Variants in CDYL2 observed in about 807,000 individuals in gnomAD.
CDYL2 encodes the protein chromodomain Y like 2, also known as chromodomain Y-like protein 2.
A neutral mutation model predicts 49.4 loss-of-function variants in CDYL2; 23 were observed. The ratio of observed to expected loss-of-function variants is 0.47; its 90% CI spans 0.34 to 0.66. The LOEUF is 0.66. Among genes scored for constraint, CDYL2 ranks in the 30% least tolerant of loss-of-function variants. The pLI, the probability that CDYL2 is intolerant of heterozygous loss-of-function variation, is 0.01. For synonymous variants in CDYL2, 360 were observed against 268.8 expected (o/e 1.34, Z -3.32); for missense variants, 678 against 656.4 (o/e 1.03, Z -0.36).
intron 1 of CDYL2, among the ~76,000 whole-genome samples, chr16:80,726,419 C>T (rs1905164440): frequency 6.6e-6 from 1 of 152,112 alleles, no homozygotes; most frequent in African/African-American, 2.4e-5. Flanking sequence ...ACATTGAATT[C>T]TGAAAAAAAT....
At chr16:80,803,757 C>T (rs980487564) in intron 1 of CDYL2, among the ~76,000 whole-genome samples, 3 of 143,022 alleles carry the variant, frequency 2.1e-5, no homozygotes, top group African/African-American at 7.7e-5. Flanking sequence ...ATTCCCAGCA[C>T]GTCCGGCGCC....
chr16:80,616,906 G>T (rs1906851209), intron 4 of CDYL2, among the ~76,000 whole-genome samples: 1 of 152,188 alleles, frequency 6.6e-6, no homozygotes, highest in East Asian at 1.9e-4. Flanking sequence ...GAGCTAATAG[G>T]CACAGAGAGA....
At chr16:80,788,760 A>C (rs1907515576) in intron 1 of CDYL2, among the ~76,000 whole-genome samples, 1 of 152,234 alleles carries the variant, frequency 6.6e-6, no homozygotes, top group African/African-American at 2.4e-5. Context: ...CATCTCATAG[A>C]AAGGATTACA....
chr16:80,707,985 G>A (rs191846629), intron 1 of CDYL2, among the ~76,000 whole-genome samples: 93 of 152,278 alleles, frequency 6.1e-4, no homozygotes, highest in Non-Finnish European at 1.1e-3. Context: ...AAGAAAGGCA[G>A]GATGCTATTT....
At chr16:80,804,038 G>A (rs971312397) in intron 1 of CDYL2, 112 bp downstream of exon 1, 8 of 789,898 alleles carry the variant, frequency 1.0e-5, no homozygotes, top group Non-Finnish European at 1.2e-5. Context: ...CCGCGGGCTC[G>A]GCAACTCCGG....
rs138988249 is a variant in CDYL2, at chr16:80,709,486, G to A, written c.25-24357C>T. On this transcript the variant is annotated intron_variant, in intron 1 of 6. Transcript: ENST00000570137. ...TTTGCATTTTCTTGTGCACAATTTC[G>A]TCCATGAGAAGCACTAGATGAATGC... Among the ~76,000 whole-genome samples, 194 of 150,714 alleles carry A rather than the reference G, an allele frequency of 1.3e-3. 3 individuals carry two copies. The East Asian group carries it at 0.026, about 20-fold the overall frequency.
chr16:80,784,520 G>C (rs931466514), intron 1 of CDYL2, among the ~76,000 whole-genome samples: 6 of 152,102 alleles, frequency 3.9e-5, no homozygotes, highest in African/African-American at 1.4e-4. Flanking sequence ...AAGTTGTTTA[G>C]AGAACATCCA....
chr16:80,718,422 T>G (rs147376561), intron 1 of CDYL2, among the ~76,000 whole-genome samples: 93 of 152,270 alleles, frequency 6.1e-4, no homozygotes, highest in African/African-American at 2.0e-3. Flanking sequence ...AGGACTATCA[T>G]ACCTAATTTA....
intron 1 of CDYL2, among the ~76,000 whole-genome samples, chr16:80,746,910 A>G (rs1174730566): frequency 6.6e-6 from 1 of 152,186 alleles, no homozygotes; most frequent in African/African-American, 2.4e-5. Context: ...CTCTTTAAAA[A>G]AAAATTAATA....
intron 1 of CDYL2, among the ~76,000 whole-genome samples, chr16:80,790,111 T>C (rs1907562296): frequency 1.3e-5 from 2 of 152,214 alleles, no homozygotes. Flanking sequence ...ATGAAGCATA[T>C]TCAAGAAAAA....
intron 3 of CDYL2, among the ~76,000 whole-genome samples, chr16:80,623,772 G>A (rs770013534): frequency 1.3e-5 from 2 of 152,170 alleles, no homozygotes; most frequent in East Asian, 1.9e-4. Flanking sequence ...TAGGACTCAG[G>A]AAGTCAGACT....
chr16:80,677,735 T>A (rs1267505963), intron 2 of CDYL2, among the ~76,000 whole-genome samples: 1 of 147,960 alleles, frequency 6.8e-6, no homozygotes, highest in Non-Finnish European at 1.5e-5. Context: ...CGAGACTCCA[T>A]CTCAAAAAAA....
chr16:80,730,305 T>C (rs6564787), intron 1 of CDYL2, among the ~76,000 whole-genome samples: 129,556 of 151,950 alleles, frequency 0.85, 56,633 homozygotes, highest in Non-Finnish European at 0.96. Flanking sequence ...AAACTGCCAT[T>C]AGAGAATGCT....
At chr16:80,689,982 G>A (rs181670750) in intron 1 of CDYL2, among the ~76,000 whole-genome samples, 2 of 152,060 alleles carry the variant, frequency 1.3e-5, no homozygotes, top group African/African-American at 2.4e-5. Context: ...TTAGCTGGGC[G>A]TGGTGGCATA....
chr16:80,630,341 T>C (rs1451154111), intron 3 of CDYL2, among the ~76,000 whole-genome samples: 1 of 152,090 alleles, frequency 6.6e-6, no homozygotes. Flanking sequence ...CCATGATGAG[T>C]GGGCAACAGT....
At chr16:80,624,665 T>C (rs909202051) in intron 3 of CDYL2, among the ~76,000 whole-genome samples, 2 of 151,304 alleles carry the variant, frequency 1.3e-5, no homozygotes, top group African/African-American at 4.9e-5. Flanking sequence ...AATACAAGGA[T>C]CCAAAAGAGA....
At chr16:80,619,424 G>C (rs4889168) in intron 4 of CDYL2, among the ~76,000 whole-genome samples, 2 of 152,132 alleles carry the variant, frequency 1.3e-5, no homozygotes, top group African/African-American at 4.8e-5. Flanking sequence ...GGTTTCCCTG[G>C]ACTTCTGGAA....
chr16:80,638,343 G>C (rs534522164), intron 2 of CDYL2, among the ~76,000 whole-genome samples: 1 of 152,242 alleles, frequency 6.6e-6, no homozygotes, highest in African/African-American at 2.4e-5. Flanking sequence ...CCAAAGTGCT[G>C]GGATTATAGG....
At chr16:80,766,599 C>G (rs1221797950) in intron 1 of CDYL2, among the ~76,000 whole-genome samples, 1 of 152,186 alleles carries the variant, frequency 6.6e-6, no homozygotes, top group Non-Finnish European at 1.5e-5. Flanking sequence ...AGGCACTACT[C>G]TTACTCAACT....
Sources: allele counts gnomAD v4.1 joint callset (sites outside exome capture counted in the v4.1 genomes callset), GRCh38; gene constraint gnomAD v4.1.1; transcripts MANE v1.5; gene names NCBI Gene and HGNC (gene_info 2026-07-23, HGNC 2026-07-21).